Variants in CEP128 observed in about 807,000 individuals in gnomAD.
CEP128 encodes the protein centrosomal protein 128kDa.
A neutral mutation model predicts 156.7 loss-of-function variants in CEP128; 132 were observed. The ratio of observed to expected loss-of-function variants is 0.84; its 90% confidence interval spans 0.73 to 0.97. CEP128 has a LOEUF of 0.97. Ranked by LOEUF, CEP128 falls within the 50% of genes least tolerant of loss-of-function variation. The pLI is 0.00. For missense variants in CEP128, 1,252 were observed against 1,281.9 expected (o/e 0.98, Z 0.36); for synonymous variants, 469 against 448.9 (o/e 1.04, Z -0.57).
chr14:80,565,379 CAAGCGCCT>C (rs1467497847), intron 20 of CEP128, among the ~76,000 whole-genome samples: 11 of 152,116 alleles, frequency 7.2e-5, no homozygotes, highest in Admixed American at 2.6e-4. Context: ...GGTAATTTGG[CAAGCGCCT>C]GCTTGCCAAA....
chr14:80,559,541 A>C (rs749390147), intron 20 of CEP128, among the ~76,000 whole-genome samples: 1 of 152,184 alleles, frequency 6.6e-6, no homozygotes, highest in Non-Finnish European at 1.5e-5. Flanking sequence ...AAATGCTACA[A>C]TTCTAGTACA....
chr14:80,540,201 C>G (rs568119931), intron 21 of CEP128, among the ~76,000 whole-genome samples: 5 of 149,240 alleles, frequency 3.4e-5, no homozygotes, highest in Non-Finnish European at 7.4e-5. Flanking sequence ...TCTTACACCC[C>G]CCCCCCTTTT....
chr14:80,662,735 A>T (rs779809662), intron 19 of CEP128, among the ~76,000 whole-genome samples: 1 of 152,248 alleles, frequency 6.6e-6, no homozygotes. Flanking sequence ...AAAATAACAC[A>T]TTAGACATGC....
In CEP128 at chr14:80,625,547, G is replaced by C. The variant is rs187361340; in HGVS notation, c.2807-45124C>G. ...CTGCATCTGTAGATTGCTTTGGGTG[G>C]TAAGGTCATTTAAAAATATCAATTC... On this transcript the variant is annotated intron_variant, in intron 19 of 24. Transcript: ENST00000555265. Among the ~76,000 whole-genome samples the C allele has an allele frequency of 1.3e-3, 191 of 152,088 alleles. 1 individual carries two copies. Among genetic ancestry groups the C allele is most frequent in the African/African-American group, 4.5e-3 (187 of 41,480 alleles).
chr14:80,810,494 C>T (rs950536131), intron 13 of CEP128, among the ~76,000 whole-genome samples: 1 of 151,838 alleles, frequency 6.6e-6, no homozygotes, highest in Non-Finnish European at 1.5e-5. Flanking sequence ...TGTGACCTAA[C>T]TATATGCTTC....
At chr14:80,547,120 G>C (rs1890017511) in intron 21 of CEP128, among the ~76,000 whole-genome samples, 1 of 152,092 alleles carries the variant, frequency 6.6e-6, no homozygotes, top group Non-Finnish European at 1.5e-5. Flanking sequence ...CACTGACAAA[G>C]CTCAAGATAG....
intron 19 of CEP128, among the ~76,000 whole-genome samples, chr14:80,614,888 C>G (rs549073597): frequency 1.3e-5 from 2 of 152,328 alleles, no homozygotes; most frequent in South Asian, 2.1e-4. Flanking sequence ...ACCACATCTT[C>G]TTCTTTCCCT....
chr14:80,607,322 AAAAG>A (rs1892823950), intron 19 of CEP128, among the ~76,000 whole-genome samples: 1 of 152,172 alleles, frequency 6.6e-6, no homozygotes, highest in South Asian at 2.1e-4. Flanking sequence ...AATACACAAA[AAAAG>A]AGAGAGGAAG....
In CEP128 at chr14:80,729,056, G is replaced by T. The variant is rs867984792; in HGVS notation, c.2806+14019C>A. Among the ~76,000 whole-genome samples, 64 of 88,212 alleles carry T rather than the reference G, an allele frequency of 7.3e-4. 1 individual carries two copies. The highest frequency in any genetic ancestry group is 2.4e-3 in the South Asian group (6 of 2,528). 57.9% of individuals were successfully genotyped at this position (88,212 alleles called of 152,430 possible). A position where few individuals can be genotyped will look rare whatever the true frequency, so the allele number is the denominator to read the frequency against. On this transcript the variant is annotated intron_variant, in intron 19 of 24. Transcript: ENST00000555265. ...GCCCTAGTCCCAGGCTGGGCTGGTG[G>T]GGGTGTGTGTGTGTGTGTGTGTGTG...
chr14:80,522,434 C>T (rs890185215), intron 23 of CEP128, among the ~76,000 whole-genome samples: 3 of 152,142 alleles, frequency 2.0e-5, no homozygotes, highest in African/African-American at 7.2e-5. Flanking sequence ...CTGCTGAAAG[C>T]CATTATTAAT....
rs1183513094 is a variant in CEP128 at position 80,530,859 on chromosome 14, C to G, written c.2908G>C (p.Glu970Gln). Residue 970 changes from glutamate to glutamine, a missense_variant, in exon 22 of 25, where the codon GAG becomes CAG. Glu to Gln is a conservative substitution (Grantham distance 29). Coordinates refer to ENST00000555265, the MANE Select transcript of CEP128 (RefSeq NM_152446.5). Reference sequence around the variant, plus strand: ...AGGCTCAGTTTCTCAGGCACAGACTCCAGATGGTCCAAGGCCACTTGGGTA... The same window carrying G: ...AGGCTCAGTTTCTCAGGCACAGACTGCAGATGGTCCAAGGCCACTTGGGTA... ...TSTQVALDHL[E>Q]SVPEKLSLLE... 1.2e-6 allele frequency: 2 copies of G among 1,609,044 alleles called. No individual in the cohort carries two copies. The highest frequency in any genetic ancestry group is 1.7e-6 in the Non-Finnish European group (2 of 1,177,266).
rs183846219 is a variant in CEP128, at chr14:80,519,672, T to C, written c.3072+7197A>G. Among the ~76,000 whole-genome samples, 35 of 152,342 alleles carry C rather than the reference T, an allele frequency of 2.3e-4. 1 individual carries two copies. The highest frequency in any genetic ancestry group is 3.1e-4 in the Non-Finnish European group (21 of 68,030). On this transcript the variant is annotated intron_variant, in intron 23 of 24. Coordinates refer to ENST00000555265, the MANE Select transcript of CEP128 (RefSeq NM_152446.5). ...GAAAGTTTAATCTGGGCAGATGTTT[T>C]ACTTAAAGTCTGCCCTCCATGTCTC...
chr14:80,706,708 T>C (rs1349939156), intron 19 of CEP128, among the ~76,000 whole-genome samples: 1 of 152,026 alleles, frequency 6.6e-6, no homozygotes, highest in Non-Finnish European at 1.5e-5. Context: ...CTTTCAATCA[T>C]TATGTCCTCA....
chr14:80,621,601 T>C (rs77947990), intron 19 of CEP128, among the ~76,000 whole-genome samples: 3 of 152,170 alleles, frequency 2.0e-5, no homozygotes, highest in Non-Finnish European at 4.4e-5. Flanking sequence ...GCTTAAAATA[T>C]ACACATTAGA....
chr14:80,694,668 A>G (rs1000500218), intron 19 of CEP128, among the ~76,000 whole-genome samples: 1 of 149,898 alleles, frequency 6.7e-6, no homozygotes, highest in Non-Finnish European at 1.5e-5. Flanking sequence ...TAAACACTGC[A>G]TGTTCTCACT....
intron 23 of CEP128, among the ~76,000 whole-genome samples, chr14:80,522,415 C>G (rs1337798380): frequency 6.6e-6 from 1 of 152,208 alleles, no homozygotes; most frequent in Admixed American, 6.5e-5. Flanking sequence ...AACTCTGCTT[C>G]TGTAGACTCT....
At chr14:80,802,196 CA>C in intron 13 of CEP128, among the ~76,000 whole-genome samples, 1 of 152,056 alleles carries the variant, frequency 6.6e-6, no homozygotes, top group Admixed American at 6.5e-5. Flanking sequence ...GGTATATACT[CA>C]AAGGAATATA....
intron 19 of CEP128, among the ~76,000 whole-genome samples, chr14:80,661,201 C>T (rs72690931): frequency 2.0e-5 from 3 of 152,130 alleles, no homozygotes; most frequent in Non-Finnish European, 4.4e-5. Flanking sequence ...AAACGTGCTC[C>T]CCCCCACAGA....
At chr14:80,792,297 T>C (rs1490531657) in intron 14 of CEP128, among the ~76,000 whole-genome samples, 2 of 152,230 alleles carry the variant, frequency 1.3e-5, no homozygotes, top group Admixed American at 6.5e-5. Context: ...CCCATCACAG[T>C]TGCTGCCAGT....
Sources: allele counts gnomAD v4.1 joint callset (sites outside exome capture counted in the v4.1 genomes callset), GRCh38; gene constraint gnomAD v4.1.1; transcripts MANE v1.5; gene names NCBI Gene and HGNC (gene_info 2026-07-23, HGNC 2026-07-21).